Variants in MVB12B observed in about 807,000 individuals in gnomAD.
MVB12B encodes ESCRT-I complex subunit MVB12B.
In MVB12B, 16 loss-of-function variants were observed where a neutral mutation model predicts 41.6. The ratio of observed to expected loss-of-function variants is 0.38; its 90% CI spans 0.26 to 0.58. The LOEUF (loss-of-function observed/expected upper bound fraction) is 0.58. Ranked by LOEUF, MVB12B falls within the 20% of genes least tolerant of loss-of-function variation. The pLI, the probability that MVB12B is intolerant of heterozygous loss-of-function variation, is 0.62. For missense variants in MVB12B, 274 were observed against 380.2 expected (o/e 0.72, Z 2.32); for synonymous variants, 133 against 139.7 (o/e 0.95, Z 0.34).
chr9:126,414,451 C>G (rs10760432), intron 6 of MVB12B, among the ~76,000 whole-genome samples: 73,130 of 152,004 alleles, frequency 0.48, 17,998 homozygotes, highest in South Asian at 0.6. Flanking sequence ...TAACACTCCC[C>G]GAGGATTTAG....
intron 6 of MVB12B, among the ~76,000 whole-genome samples, chr9:126,421,458 A>C (rs1832016207): frequency 6.6e-6 from 1 of 152,218 alleles, no homozygotes; most frequent in Non-Finnish European, 1.5e-5. Flanking sequence ...AAGCATTTGC[A>C]TGGCTCCTGG....
At chr9:126,471,406 CG>C (rs1373531755) in intron 7 of MVB12B, among the ~76,000 whole-genome samples, 1 of 152,206 alleles carries the variant, frequency 6.6e-6, no homozygotes, top group Non-Finnish European at 1.5e-5. Context: ...GCCTCTCACG[CG>C]GGGGACTCGG....
chr9:126,424,694 C>G (rs1009092740), intron 7 of MVB12B, among the ~76,000 whole-genome samples: 2 of 152,260 alleles, frequency 1.3e-5, no homozygotes, highest in Non-Finnish European at 2.9e-5. Context: ...TCGTATCTCT[C>G]TCTTGCCCAC....
chr9:126,340,412 A>C lies in MVB12B; in HGVS notation c.82-96A>C. On this transcript the variant is annotated intron_variant, in intron 1 of 9. Coordinates refer to ENST00000361171, the MANE Select transcript of MVB12B (RefSeq NM_033446.3). The surrounding 1 kb of genome is among the most constrained non-coding windows in gnomAD (Gnocchi z 4.0). ...AGTACAGGTATGTGAAACTCAGGGTATTTGCCCCAAGATTCTGGTTCTGTT... is the reference window on the plus strand; with the variant it reads ...AGTACAGGTATGTGAAACTCAGGGTCTTTGCCCCAAGATTCTGGTTCTGTT... The C allele has an allele frequency of 7.0e-7, 1 of 1,422,676 alleles. No homozygotes were observed. The highest frequency in any genetic ancestry group is 2.4e-5 in the East Asian group (1 of 42,150). 88.1% of individuals were successfully genotyped at this position (1,422,676 alleles called of 1,614,324 possible). A position where few individuals can be genotyped will look rare whatever the true frequency, so the allele number is the denominator to read the frequency against.
intron 2 of MVB12B, among the ~76,000 whole-genome samples, chr9:126,347,582 G>A (rs965008400): frequency 2.6e-5 from 4 of 152,168 alleles, no homozygotes; most frequent in Admixed American, 1.3e-4. Flanking sequence ...GCTGGGTATA[G>A]GGAACATAGG....
At chr9:126,452,499 A>AGCCG (rs1832904743) in intron 7 of MVB12B, among the ~76,000 whole-genome samples, 1 of 152,200 alleles carries the variant, frequency 6.6e-6, no homozygotes, top group Non-Finnish European at 1.5e-5. Flanking sequence ...ATTTGGGGGC[A>AGCCG]GCCGGTGCAA....
At chr9:126,490,540 C>T (rs1290192031) in intron 9 of MVB12B, among the ~76,000 whole-genome samples, 1 of 152,196 alleles carries the variant, frequency 6.6e-6, no homozygotes, top group South Asian at 2.1e-4. Context: ...GGAGTGCCAC[C>T]ATCAAAACCG....
At chr9:126,370,967 T>C (rs1830319674) in intron 2 of MVB12B, among the ~76,000 whole-genome samples, 1 of 152,270 alleles carries the variant, frequency 6.6e-6, no homozygotes, top group Non-Finnish European at 1.5e-5. Flanking sequence ...TTGGAAGTTT[T>C]GCTTTTCACA....
At chr9:126,377,387 G>A (rs1250074909) in intron 2 of MVB12B, among the ~76,000 whole-genome samples, 2 of 152,230 alleles carry the variant, frequency 1.3e-5, no homozygotes, top group Non-Finnish European at 2.9e-5. Context: ...GAACAAGGCA[G>A]CAAACACACA....
At chr9:126,451,897 C>T (rs914769716) in intron 7 of MVB12B, among the ~76,000 whole-genome samples, 9 of 152,112 alleles carry the variant, frequency 5.9e-5, no homozygotes, top group African/African-American at 2.2e-4. Context: ...AGCTGTTTGC[C>T]GAGTCTCTGT....
chr9:126,417,353 A>G (rs1831854911), intron 6 of MVB12B, among the ~76,000 whole-genome samples: 1 of 152,238 alleles, frequency 6.6e-6, no homozygotes, highest in Middle Eastern at 3.2e-3. Flanking sequence ...CATCAGGCAC[A>G]CATTGTCTAT....
At chr9:126,445,852 T>C (rs1166972388) in intron 7 of MVB12B, among the ~76,000 whole-genome samples, 1 of 152,216 alleles carries the variant, frequency 6.6e-6, no homozygotes, top group Non-Finnish European at 1.5e-5. Flanking sequence ...ATGCTTGTTA[T>C]TTCCAATAGC....
At chr9:126,488,559 G>A (rs1371492184) in intron 9 of MVB12B, among the ~76,000 whole-genome samples, 1 of 152,122 alleles carries the variant, frequency 6.6e-6, no homozygotes, top group Non-Finnish European at 1.5e-5. Context: ...CCACGTGGGA[G>A]GAAGGGGGGT....
chr9:126,333,880 TCCA>T lies in MVB12B; in HGVS notation c.82-6627_82-6625del, dbSNP rs1394365656. Among the ~76,000 whole-genome samples, 5 of 138,728 alleles carry T rather than the reference TCCA, an allele frequency of 3.6e-5. No homozygotes were observed. Among genetic ancestry groups the T allele is most frequent in the South Asian group, 2.3e-4 (1 of 4,266 alleles). 91.0% of individuals were successfully genotyped at this position (138,728 alleles called of 152,430 possible). The stretch of plus-strand genomic sequence containing the variant: ...ATCCATCCATCCATCCATCCATCCA[TCCA>T]TCCATTCGTTCATCAAATACCTGAT... On this transcript the variant is annotated intron_variant, in intron 1 of 9. Transcript: ENST00000361171. The surrounding 1 kb of genome is among the most constrained non-coding windows in gnomAD (Gnocchi z 4.7).
intron 7 of MVB12B, among the ~76,000 whole-genome samples, chr9:126,441,273 CATA>C (rs1239931464): frequency 6.6e-6 from 1 of 152,136 alleles, no homozygotes; most frequent in African/African-American, 2.4e-5. Context: ...CAAAAGGGAG[CATA>C]ATAGAGAGAG....
intron 7 of MVB12B, among the ~76,000 whole-genome samples, chr9:126,446,339 T>C (rs1832765693): frequency 6.6e-6 from 1 of 152,116 alleles, no homozygotes; most frequent in Non-Finnish European, 1.5e-5. Context: ...TCTTTAAATA[T>C]AGTACTAGAT....
At chr9:126,379,205 A>G (rs1294113492) in intron 2 of MVB12B, among the ~76,000 whole-genome samples, 2 of 152,148 alleles carry the variant, frequency 1.3e-5, no homozygotes, top group African/African-American at 4.8e-5. Context: ...TTATTTTTAC[A>G]TTTTAGTGAT....
intron 2 of MVB12B, among the ~76,000 whole-genome samples, chr9:126,364,463 C>A (rs1010246134): frequency 6.6e-6 from 1 of 152,188 alleles, no homozygotes; most frequent in Non-Finnish European, 1.5e-5. Context: ...GGAGGCTGCA[C>A]TCCCCACTCC....
At chr9:126,460,996 G>A (rs1258663052) in intron 7 of MVB12B, among the ~76,000 whole-genome samples, 2 of 152,172 alleles carry the variant, frequency 1.3e-5, no homozygotes, top group Non-Finnish European at 2.9e-5. Flanking sequence ...CCCTTTTTGC[G>A]ATTTACAGGA....
Sources: allele counts gnomAD v4.1 joint callset (sites outside exome capture counted in the v4.1 genomes callset), GRCh38; gene constraint gnomAD v4.1.1; non-coding constraint Gnocchi (gnomAD v3.1); transcripts MANE v1.5; gene names NCBI Gene and HGNC (gene_info 2026-07-23, HGNC 2026-07-21).